The following DAB1 variants were observed in gnomAD, a reference collection of about 807,000 sequenced individuals.
The protein encoded by DAB1 is DAB adaptor protein 1.
DAB1 carries 15 observed loss-of-function variants against 64.6 expected under a neutral mutation model. That is an observed-to-expected ratio of 0.23 (90% CI 0.16 to 0.36). The LOEUF (loss-of-function observed/expected upper bound fraction) is 0.36, where lower values mean the gene tolerates loss of function less well. Ranked by LOEUF, DAB1 falls within the 10% of genes least tolerant of loss-of-function variation. The pLI, the probability that DAB1 is intolerant of heterozygous loss-of-function variation, is 1.00. For synonymous variants in DAB1, 235 were observed against 251.9 expected (o/e 0.93, Z 0.64); for missense variants, 596 against 706.7 (o/e 0.84, Z 1.78).
chr1:58,534,373 C>T (rs375166922), intron 1 of DAB1: 1 of 784,970 alleles, frequency 1.3e-6, no homozygotes, highest in East Asian at 2.5e-5. Flanking sequence ...AAGAGCACTA[C>T]AAAATGCTTA....
intron 6 of DAB1, among the ~76,000 whole-genome samples, chr1:57,756,184 A>G (rs534547455): frequency 6.6e-6 from 1 of 152,322 alleles, no homozygotes; most frequent in East Asian, 1.9e-4. Context: ...ACACCAAAAC[A>G]AGGCTAGGTG....
At chr1:58,362,596 T>C (rs995289697) in intron 3 of DAB1, among the ~76,000 whole-genome samples, 5 of 152,216 alleles carry the variant, frequency 3.3e-5, no homozygotes, top group African/African-American at 9.6e-5. Context: ...TCAAGTTTGC[T>C]TTCTATCACT....
chr1:57,358,807 G>A (rs1005882602), intron 1 of DAB1, among the ~76,000 whole-genome samples: 6 of 151,752 alleles, frequency 4.0e-5, no homozygotes, highest in African/African-American at 1.5e-4. Context: ...AGAATAGAGA[G>A]CTCAGAAATA....
intron 2 of DAB1, among the ~76,000 whole-genome samples, chr1:57,267,750 T>C (rs975992062): frequency 6.6e-6 from 1 of 152,178 alleles, no homozygotes; most frequent in Non-Finnish European, 1.5e-5. Flanking sequence ...GTTTTACTCT[T>C]ATGGTATTGG....
chr1:57,466,789 A>C (rs150748183), intron 7 of DAB1, among the ~76,000 whole-genome samples: 1 of 152,330 alleles, frequency 6.6e-6, no homozygotes, highest in Non-Finnish European at 1.5e-5. Context: ...GCTGGTTGTC[A>C]GCCAGGGACT....
chr1:57,599,746 T>A (rs1373497185), intron 7 of DAB1, among the ~76,000 whole-genome samples: 1 of 152,144 alleles, frequency 6.6e-6, no homozygotes, highest in Non-Finnish European at 1.5e-5. Context: ...TAACAGGCTG[T>A]ACATAGCCCT....
chr1:57,400,708 A>G (rs1346608992), intron 1 of DAB1, among the ~76,000 whole-genome samples: 1 of 151,990 alleles, frequency 6.6e-6, no homozygotes, highest in Admixed American at 6.6e-5. Flanking sequence ...TCTCACACAA[A>G]TCCACTGCAT....
At chr1:57,244,995 A>G (rs1668756806) in intron 2 of DAB1, among the ~76,000 whole-genome samples, 1 of 152,214 alleles carries the variant, frequency 6.6e-6, no homozygotes, top group African/African-American at 2.4e-5. Flanking sequence ...GGTAAGGGGT[A>G]GAGGTTGGAA....
rs138822155 is a variant in DAB1, at chr1:58,040,154, A to C, written n.387+110357T>G. On this transcript the variant is annotated intron_variant and non_coding_transcript_variant, in intron 5 of 20. Transcript: ENST00000485760. ...TAACTTCACATGCTACATGTTAAGT[A>C]TAGGTCCATATTACCAGTGGTCACC... 2.3e-3 allele frequency among the ~76,000 whole-genome samples: 357 copies of C among 152,324 alleles called. 1 individual carries two copies. The highest frequency in any genetic ancestry group is 4.8e-3 in the Admixed American group (73 of 15,306).
At chr1:57,544,935 AG>A in intron 7 of DAB1, among the ~76,000 whole-genome samples, 1 of 152,208 alleles carries the variant, frequency 6.6e-6, no homozygotes, top group African/African-American at 2.4e-5. Flanking sequence ...TAAATTACCC[AG>A]CCTTGGACAG....
chr1:57,671,961 C>T (rs1037487648), intron 6 of DAB1, among the ~76,000 whole-genome samples: 1 of 152,096 alleles, frequency 6.6e-6, no homozygotes, highest in African/African-American at 2.4e-5. Context: ...GTGTGTGCCA[C>T]AGAGAAGTAC....
At chr1:57,774,494 A>G (rs566819627) in intron 6 of DAB1, among the ~76,000 whole-genome samples, 2 of 151,890 alleles carry the variant, frequency 1.3e-5, no homozygotes, top group South Asian at 2.1e-4. Context: ...AGTGATCCTG[A>G]TCTTATGGAA....
intron 2 of DAB1, among the ~76,000 whole-genome samples, chr1:57,229,228 G>A (rs932624246): frequency 6.9e-6 from 1 of 144,752 alleles, no homozygotes; most frequent in Non-Finnish European, 1.5e-5. Context: ...GGCTCTCACT[G>A]TGTCATGCAG....
intron 1 of DAB1, among the ~76,000 whole-genome samples, chr1:57,368,720 C>G (rs1182093862): frequency 6.6e-6 from 1 of 152,148 alleles, no homozygotes; most frequent in Non-Finnish European, 1.5e-5. Context: ...CTTCATCTTG[C>G]TCACCCTCCA....
intron 7 of DAB1, among the ~76,000 whole-genome samples, chr1:57,585,207 C>CCACTG (rs1645363491): frequency 8.0e-6 from 1 of 124,456 alleles, no homozygotes; most frequent in Non-Finnish European, 1.6e-5. Flanking sequence ...CAAGATCAAG[C>CCACTG]CACTGCACTC....
intron 6 of DAB1, among the ~76,000 whole-genome samples, chr1:57,702,180 G>A (rs1049793791): frequency 1.1e-4 from 16 of 152,064 alleles, no homozygotes; most frequent in African/African-American, 3.9e-4. Flanking sequence ...GCAATTCACT[G>A]TCTGCTTGGA....
intron 2 of DAB1, among the ~76,000 whole-genome samples, chr1:57,283,197 A>C (rs1672052264): frequency 6.6e-6 from 1 of 152,230 alleles, no homozygotes; most frequent in Non-Finnish European, 1.5e-5. Flanking sequence ...ATATGCAGGA[A>C]GCATACATGA....
chr1:57,861,827 G>T (rs951988721), intron 1 of DAB1, among the ~76,000 whole-genome samples: 2 of 150,024 alleles, frequency 1.3e-5, no homozygotes, highest in African/African-American at 4.9e-5. Context: ...TAAATATGAA[G>T]ATATGCTATT....
chr1:57,143,712 A>G lies in DAB1; in HGVS notation c.207+1578T>C, dbSNP rs1000901139. The stretch of plus-strand genomic sequence containing the variant: ...CTACTAGAAATTTTGTATAGCATAA[A>G]CAAAAATAATAACTGATTTACTCAG... On this transcript the variant is annotated intron_variant, in intron 3 of 14. Coordinates refer to ENST00000371236, the MANE Select transcript of DAB1 (RefSeq NM_001365792.1). Among the ~76,000 whole-genome samples, 3 of 152,292 alleles carry G rather than the reference A, an allele frequency of 2.0e-5. 1 individual carries two copies. The East Asian group carries it at 5.8e-4, about 29-fold the overall frequency.
Sources: allele counts gnomAD v4.1 joint callset (sites outside exome capture counted in the v4.1 genomes callset), GRCh38; gene constraint gnomAD v4.1.1; transcripts MANE v1.5; gene names NCBI Gene and HGNC (gene_info 2026-07-23, HGNC 2026-07-21).